SPAG16: variants seen among roughly 807,000 people sequenced by gnomAD.
SPAG16 encodes the protein sperm-associated antigen 16 protein.
SPAG16 carries 86 observed loss-of-function variants against 80.4 expected under a neutral mutation model. The ratio of observed to expected loss-of-function variants is 1.07; its 90% CI spans 0.90 to 1.28. SPAG16 has a LOEUF of 1.28. Among genes scored for constraint, SPAG16 ranks in the 50% most tolerant of loss-of-function variants. SPAG16 has a pLI of 0.00. For missense variants in SPAG16, 870 were observed against 765.3 expected (o/e 1.14, Z -1.61); for synonymous variants, 294 against 265.9 (o/e 1.11, Z -1.03).
chr2:213,563,602 C>T (rs1228031852), intron 10 of SPAG16, among the ~76,000 whole-genome samples: 2 of 152,164 alleles, frequency 1.3e-5, no homozygotes, highest in Non-Finnish European at 2.9e-5. Context: ...CCTATTGGTT[C>T]AGGACCCCAT....
chr2:214,387,254 A>G (rs1210931070), intron 15 of SPAG16, among the ~76,000 whole-genome samples: 1 of 152,086 alleles, frequency 6.6e-6, no homozygotes, highest in Non-Finnish European at 1.5e-5. Context: ...TTTATTTTTT[A>G]TTCTTTTAAC....
chr2:213,341,347 A>G (rs868112390), intron 6 of SPAG16, among the ~76,000 whole-genome samples: 20 of 152,196 alleles, frequency 1.3e-4, no homozygotes, highest in Admixed American at 8.5e-4. Flanking sequence ...TAAATCAGCT[A>G]TAGGACAGAG....
chr2:213,297,149 A>G (rs531037291), intron 2 of SPAG16, 113 bp from the exon 3 acceptor site: 7 of 1,479,050 alleles, frequency 4.7e-6, no homozygotes, highest in Admixed American at 4.4e-5. Context: ...GGTATTTTAC[A>G]TAAAGTATTT....
intron 10 of SPAG16, among the ~76,000 whole-genome samples, 200 bp from the exon 11 acceptor site, chr2:213,862,285 A>G (rs1045095458): frequency 1.3e-5 from 2 of 152,194 alleles, no homozygotes; most frequent in Non-Finnish European, 2.9e-5. Context: ...GAAGCTGACT[A>G]GATTGATGGA....
intron 10 of SPAG16, among the ~76,000 whole-genome samples, chr2:213,563,860 C>G (rs186153361): frequency 2.7e-3 from 409 of 152,304 alleles, no homozygotes; most frequent in Non-Finnish European, 4.7e-3. Context: ...TTGGTTTTCT[C>G]TGCTATCACA....
intron 10 of SPAG16, among the ~76,000 whole-genome samples, chr2:213,791,599 A>G (rs1168925824): frequency 6.6e-6 from 1 of 152,146 alleles, no homozygotes; most frequent in Non-Finnish European, 1.5e-5. Flanking sequence ...TGAAACTTGA[A>G]TGGGAGAAGA....
chr2:213,980,253 ATG>A (rs1237067331), intron 12 of SPAG16, among the ~76,000 whole-genome samples: 1 of 77,734 alleles, frequency 1.3e-5, no homozygotes, highest in Non-Finnish European at 2.2e-5. Context: ...TATAGAATAT[ATG>A]TGTGTATATA....
chr2:213,406,937 A>T (rs78237134), intron 9 of SPAG16, among the ~76,000 whole-genome samples: 4 of 48,806 alleles, frequency 8.2e-5, no homozygotes, highest in African/African-American at 3.9e-4. Context: ...ACGCGGATTT[A>T]AAAAAAAAAA....
In SPAG16 at chr2:214,397,159, T is replaced by A. The variant is rs566995050; in HGVS notation, c.1721-12981T>A. Among the ~76,000 whole-genome samples, 24 of 33,540 alleles carry A rather than the reference T, an allele frequency of 7.2e-4. No individual in the cohort carries two copies. In the East Asian group the frequency reaches 0.047, roughly 65 times the overall value. 22.0% of individuals were successfully genotyped at this position (33,540 alleles called of 152,430 possible). On this transcript the variant is annotated intron_variant, in intron 15 of 15. Coordinates refer to ENST00000331683, the MANE Select transcript of SPAG16 (RefSeq NM_024532.5). Reference sequence around the variant, plus strand: ...AATTTATATAAATTTTTTAATTTTCTTTTTTTTTTTTTTTTGAGATGGAGT... The same window carrying A: ...AATTTATATAAATTTTTTAATTTTCATTTTTTTTTTTTTTTGAGATGGAGT...
chr2:214,319,659 T>C (rs1450133234), intron 15 of SPAG16, among the ~76,000 whole-genome samples: 1 of 152,164 alleles, frequency 6.6e-6, no homozygotes, highest in Non-Finnish European at 1.5e-5. Context: ...TCAGTGGTTT[T>C]GTTTTCCTGA....
chr2:214,231,641 C>T (rs912569583), intron 15 of SPAG16, among the ~76,000 whole-genome samples: 9 of 151,910 alleles, frequency 5.9e-5, no homozygotes, highest in African/African-American at 2.2e-4. Flanking sequence ...AGCATTGAGC[C>T]CCCAAAAGAA....
At position 213,880,298 on chromosome 2, in the gene SPAG16, C is replaced by A. The variant is rs537043104; in HGVS notation, c.1214+17670C>A. ...TCTTTTGAGAAGTGTCTGTTCATGG[C>A]CTTTGCCCACTTTTTAATGAGGTTA... On this transcript the variant is annotated intron_variant, in intron 11 of 15. Transcript: ENST00000331683. Among the ~76,000 whole-genome samples, 31 of 152,226 alleles carry A rather than the reference C, an allele frequency of 2.0e-4. No individual in the cohort carries two copies. The South Asian group carries it at 6.4e-3, about 32-fold the overall frequency.
chr2:213,695,137 T>C (rs1011365340), intron 10 of SPAG16, among the ~76,000 whole-genome samples: 2 of 152,204 alleles, frequency 1.3e-5, no homozygotes, highest in African/African-American at 2.4e-5. Flanking sequence ...TCTAGATTTC[T>C]AGATCTTTTA....
intron 15 of SPAG16, among the ~76,000 whole-genome samples, chr2:214,340,547 C>A: frequency 6.6e-6 from 1 of 152,160 alleles, no homozygotes; most frequent in East Asian, 1.9e-4. Flanking sequence ...CAGTGCCCTG[C>A]CCCAGAGCAT....
intron 10 of SPAG16, among the ~76,000 whole-genome samples, chr2:213,758,915 A>G (rs2068493729): frequency 6.6e-6 from 1 of 152,216 alleles, no homozygotes. Context: ...AAAGCAGCAG[A>G]AAAACATCAA....
chr2:214,204,872 T>C (rs943284848), intron 15 of SPAG16, among the ~76,000 whole-genome samples: 3 of 152,080 alleles, frequency 2.0e-5, no homozygotes, highest in Middle Eastern at 3.2e-3. Context: ...AGAAAATCGA[T>C]TATTAAGCTA....
intron 11 of SPAG16, among the ~76,000 whole-genome samples, chr2:213,878,458 ATATC>A (rs2076222354): frequency 6.6e-6 from 1 of 152,096 alleles, no homozygotes; most frequent in South Asian, 2.1e-4. Context: ...CTTTTGGAAA[ATATC>A]TATTCATTTT....
chr2:214,309,624 G>A (rs571867415), intron 15 of SPAG16, among the ~76,000 whole-genome samples: 1 of 152,104 alleles, frequency 6.6e-6, no homozygotes, highest in Admixed American at 6.6e-5. Flanking sequence ...ATAAGGTGGA[G>A]TCAGCTGACT....
At chr2:213,324,031 C>A (rs141203259) in intron 5 of SPAG16, among the ~76,000 whole-genome samples, 2 of 152,128 alleles carry the variant, frequency 1.3e-5, no homozygotes, top group Non-Finnish European at 2.9e-5. Context: ...AAACAAAAAT[C>A]AGTGCTACAG....
Sources: gnomAD v4.1 joint callset for allele counts (sites outside exome capture counted in the v4.1 genomes callset) on GRCh38, gnomAD v4.1.1 for gene constraint, MANE v1.5 for transcripts, NCBI Gene and HGNC (gene_info 2026-07-23, HGNC 2026-07-21) for gene names.